The following ALG10 variants were observed in gnomAD, a reference collection of about 807,000 sequenced individuals.
The protein encoded by ALG10 is ALG10 alpha-1,2-glucosyltransferase, also known as dol-P-Glc:Glc(2)Man(9)GlcNAc(2)-PP-Dol alpha-1,2-glucosyltransferase A.
ALG10 carries 25 observed loss-of-function variants against 39.2 expected under a neutral mutation model. That is an observed-to-expected ratio of 0.64 (90% CI 0.46 to 0.89). The LOEUF (loss-of-function observed/expected upper bound fraction) is 0.89. Among genes scored for constraint, ALG10 ranks in the 40% least tolerant of loss-of-function variants. ALG10 has a pLI of 0.00. For synonymous variants in ALG10, 184 were observed against 193.9 expected, an observed-to-expected ratio of 0.95 and a Z score of 0.42; for missense variants, 486 against 546.6, an observed-to-expected ratio of 0.89 and a Z score of 1.11.
rs991988450 is a variant in ALG10 at position 34,023,001 on chromosome 12, T to C, written c.171+231T>C. On this transcript the variant is annotated intron_variant, in intron 1 of 2. Coordinates refer to ENST00000266483, the MANE Select transcript of ALG10 (RefSeq NM_032834.4). ...AGGAAGGAGTGATCTGGGAGAATACTCAACGGGGAACTGAGCCCTCCTCTT... is the reference window on the plus strand; with the variant it reads ...AGGAAGGAGTGATCTGGGAGAATACCCAACGGGGAACTGAGCCCTCCTCTT... 3 of 622,636 alleles carry C rather than the reference T, an allele frequency of 4.8e-6. No homozygotes were observed. The South Asian group carries it at 7.5e-5, about 16-fold the overall frequency. 38.6% of individuals were successfully genotyped at this position (622,636 alleles called of 1,614,324 possible).
In ALG10 at chr12:34,022,608, G is replaced by A. The variant is rs1334075376; in HGVS notation, c.9G>A (p.Gln3=). ...TGGCTGTGGGAGCTGGAATGGCGCA[G>A]CTGGAAGGTTACTATTTCTCGGCCG... MA[Q]LEGYYFSAAL... is the part of the protein sequence containing the mutation. Residue 3 remains glutamine (Q), a synonymous_variant, in exon 1 of 3, where the codon CAG becomes CAA. Coordinates refer to ENST00000266483, the MANE Select transcript of ALG10 (RefSeq NM_032834.4). 2 of 1,614,016 alleles carry A rather than the reference G, an allele frequency of 1.2e-6. No homozygotes were observed. Among genetic ancestry groups the A allele is most frequent in the Admixed American group, 1.7e-5 (1 of 60,002 alleles).
rs752864593 is a variant in ALG10, at chr12:34,024,202, G to C, written c.369+43G>C. 4 of 1,592,748 alleles carry C rather than the reference G, an allele frequency of 2.5e-6. No individual in the cohort carries two copies. In the Admixed American group the frequency reaches 6.7e-5, roughly 27 times the overall value. On this transcript the variant is annotated intron_variant, in intron 2 of 2. Coordinates refer to ENST00000266483, the MANE Select transcript of ALG10 (RefSeq NM_032834.4). ...TAATTACAAGTTTATGTGTAGTCAG[G>C]TCCACAATTACAATGAATTAGTTTT...
rs1942790585 is a variant in ALG10, at chr12:34,022,692, G to T, written c.93G>T (p.Leu31Phe). The part of the protein sequence containing the change: ...CLLFSAFSRA[L>F]REPYMDEIFH... Reference sequence around the variant, plus strand: ...TCTTCTCCGCCTTCAGCCGGGCGTTGCGAGAGCCCTACATGGACGAGATCT... The same window carrying T: ...TCTTCTCCGCCTTCAGCCGGGCGTTTCGAGAGCCCTACATGGACGAGATCT... Residue 31 changes from leucine (L) to phenylalanine (F), a missense_variant, in exon 1 of 3, where the codon TTG becomes TTT. Physicochemically the swap from Leu to Phe is conservative, Grantham distance 22. Coordinates refer to ENST00000266483, the MANE Select transcript of ALG10 (RefSeq NM_032834.4). The T allele has an allele frequency of 1.2e-6, 2 of 1,613,958 alleles. No individual in the cohort carries two copies. The highest frequency in any genetic ancestry group is 2.7e-5 in the African/African-American group (2 of 74,876).
upstream of ALG10, chr12:34,022,469 C>T: frequency 6.9e-7 from 1 of 1,448,900 alleles, no homozygotes; most frequent in Non-Finnish European, 9.6e-7. Flanking sequence ...GCATCCTTTG[C>T]CTTCCGGTAT....
At chr12:34,022,495 T>C (rs1203775413), upstream of ALG10, 11 of 1,581,986 alleles carry the variant, frequency 7.0e-6, no homozygotes, top group East Asian at 2.2e-4. Flanking sequence ...CCCGTCTGGC[T>C]AGTCCCGCCT....
Position 34,026,778 on chromosome 12 carries a change from A to T in ALG10, c.1285A>T (p.Ile429Leu). Reference protein sequence around the residue: ...ILPYVIYRLNIPLPPTSRLIC... With the variant: ...ILPYVIYRLNLPLPPTSRLIC... ...ACCTTATGTCATTTATAGGCTTAACATACCTCTGCCTCCCACATCCAGACT... is the reference window on the plus strand; with the variant it reads ...ACCTTATGTCATTTATAGGCTTAACTTACCTCTGCCTCCCACATCCAGACT... Residue 429 changes from isoleucine to leucine, a missense_variant, in exon 3 of 3, where the codon ATA (isoleucine) becomes TTA (leucine). Physicochemically the swap from Ile to Leu is conservative, Grantham distance 5. Coordinates refer to ENST00000266483, the MANE Select transcript of ALG10 (RefSeq NM_032834.4). 5 of 1,613,980 alleles carry T rather than the reference A, an allele frequency of 3.1e-6. No homozygotes were observed. The highest frequency in any genetic ancestry group is 4.2e-6 in the Non-Finnish European group (5 of 1,179,888).
At position 34,026,482 on chromosome 12, in the gene ALG10, C is replaced by G. The variant is rs763544726; in HGVS notation, c.989C>G (p.Thr330Ser). ...CGTAGAATTCTGTTTTTTGTGGTTA[C>G]CTTAGTCTCTGTGTTTTTAGTTTGG... ...WKRRILFFVVTLVSVFLVWKF... is the reference protein window; with the variant it reads ...WKRRILFFVVSLVSVFLVWKF... The change falls in exon 3 of 3, where the codon ACC becomes AGC. Residue 330 changes from threonine to serine, a missense_variant. Transcript: ENST00000266483. 1 of 1,613,740 alleles carries G rather than the reference C, an allele frequency of 6.2e-7. No individual in the cohort carries two copies. The highest frequency in any genetic ancestry group is 1.1e-5 in the South Asian group (1 of 91,044).
Position 34,026,965 on chromosome 12 carries a change from T to C in ALG10, c.*50T>C. The C allele has an allele frequency of 6.3e-7, 1 of 1,582,920 alleles. No homozygotes were observed. Among genetic ancestry groups the C allele is most frequent in the Non-Finnish European group, 8.6e-7 (1 of 1,160,524 alleles). On this transcript the variant is annotated 3_prime_UTR_variant, in exon 3 of 3. Coordinates refer to ENST00000266483, the MANE Select transcript of ALG10 (RefSeq NM_032834.4). ...AAATGGACTTAATAATTAGACCATT[T>C]CTACAAAGAACAACTGAATAGGTGG...
At chr12:34,024,190 A>G (rs759541833) in intron 2 of ALG10, 31 bp downstream of exon 2, 2 of 1,606,766 alleles carry the variant, frequency 1.2e-6, no homozygotes, top group Non-Finnish European at 1.7e-6. Context: ...TTACAAGTTT[A>G]TGTGTAGTCA....
rs765891801 is a variant in ALG10, at chr12:34,026,358, C to T, written c.865C>T (p.Pro289Ser). ...RSSHEACLHF[P>S]QLFYFFSFTL... ...TAGTCATGAAGCCTGTCTTCATTTT[C>T]CTCAACTATTCTACTTTTTTTCATT... is the stretch of plus-strand genomic sequence containing the variant. The change falls in exon 3 of 3, where the codon CCT becomes TCT. Residue 289 changes from proline to serine, a missense_variant. Transcript: ENST00000266483. 66 of 1,613,800 alleles carry T rather than the reference C, an allele frequency of 4.1e-5. No homozygotes were observed. The South Asian group carries it at 7.2e-4, about 18-fold the overall frequency.
intron 2 of ALG10, 42 bp from the exon 3 acceptor site, chr12:34,025,821 T>C: frequency 1.9e-6 from 3 of 1,610,952 alleles, no homozygotes; most frequent in Non-Finnish European, 2.5e-6. Flanking sequence ...TAGCATTTTT[T>C]GTCATGAAAA....
chr12:34,026,525 T>A lies in ALG10; in HGVS notation c.1032T>A (p.His344Gln), dbSNP rs1204850143. The A allele has an allele frequency of 2.5e-6, 4 of 1,613,890 alleles. No individual in the cohort carries two copies. Among genetic ancestry groups the A allele is most frequent in the Non-Finnish European group, 3.4e-6 (4 of 1,179,914 alleles). Residue 344 changes from histidine (H) to glutamine (Q), a missense_variant, in exon 3 of 3, where the codon CAT (histidine) becomes CAA (glutamine). Coordinates refer to ENST00000266483, the MANE Select transcript of ALG10 (RefSeq NM_032834.4). ...VFLVWKFTYA[H>Q]KYLLADNRHY... ...TAGTTTGGAAATTCACTTATGCTCA[T>A]AAATACTTGCTAGCAGACAATAGAC...
intron 2 of ALG10, among the ~76,000 whole-genome samples, chr12:34,025,646 T>A (rs1348233497): frequency 1.3e-5 from 2 of 152,190 alleles, no homozygotes; most frequent in Non-Finnish European, 2.9e-5. Flanking sequence ...ACACATGGTC[T>A]CCAAACTGAT....
At position 34,026,058 on chromosome 12, in the gene ALG10, A is replaced by G. The variant is rs781529303; in HGVS notation, c.565A>G (p.Asn189Asp). The G allele has an allele frequency of 4.3e-6, 7 of 1,614,100 alleles. No individual in the cohort carries two copies. The highest frequency in any genetic ancestry group is 5.9e-6 in the Non-Finnish European group (7 of 1,179,976). Reference protein sequence around the residue: ...GFCGFMFRQTNIIWAVFCAGN... With the variant: ...GFCGFMFRQTDIIWAVFCAGN... ...TTGTGGCTTCATGTTTCGGCAAACA[A>G]ATATCATCTGGGCTGTCTTCTGTGC... Residue 189 changes from asparagine to aspartate, a missense_variant, in exon 3 of 3, where the codon AAT becomes GAT. Coordinates refer to ENST00000266483, the MANE Select transcript of ALG10 (RefSeq NM_032834.4).
At position 34,026,374 on chromosome 12, in the gene ALG10, T is replaced by C; in HGVS notation, c.881T>C (p.Phe294Ser). The change falls in exon 3 of 3, where the codon TTT (phenylalanine) becomes TCT (serine). Residue 294 changes from phenylalanine to serine, a missense_variant. Transcript: ENST00000266483. ...CTTCATTTTCCTCAACTATTCTACT[T>C]TTTTTCATTTACTCTCTTTTTTTCC... Reference protein sequence around the residue: ...ACLHFPQLFYFFSFTLFFSFP... With the variant: ...ACLHFPQLFYSFSFTLFFSFP... 2 of 1,613,972 alleles carry C rather than the reference T, an allele frequency of 1.2e-6. No homozygotes were observed. Among genetic ancestry groups the C allele is most frequent in the South Asian group, 2.2e-5 (2 of 91,050 alleles).
rs1208498446 is a variant in ALG10 at position 34,024,004 on chromosome 12, T to G, written c.214T>G (p.Ser72Ala). The G allele has an allele frequency of 2.5e-6, 4 of 1,614,054 alleles. No homozygotes were observed. The highest frequency in any genetic ancestry group is 3.4e-6 in the Non-Finnish European group (4 of 1,180,022). ...TACATTACCTGGCTTGTACCTGGTGTCAATTGGAGTGATCAAACCTGCCAT... is the reference window on the plus strand; with the variant it reads ...TACATTACCTGGCTTGTACCTGGTGGCAATTGGAGTGATCAAACCTGCCAT... ...ITTLPGLYLV[S>A]IGVIKPAIWI... is the part of the protein sequence containing the mutation. The change falls in exon 2 of 3, where the codon TCA becomes GCA. Residue 72 changes from serine to alanine, a missense_variant. By Grantham distance (99) the Ser-to-Ala change is moderately conservative (BLOSUM62 1). Coordinates refer to ENST00000266483, the MANE Select transcript of ALG10 (RefSeq NM_032834.4).
intron 1 of ALG10, chr12:34,023,005 C>A: frequency 1.7e-6 from 1 of 604,230 alleles, no homozygotes; most frequent in Non-Finnish European, 2.7e-6. Context: ...GAATACTCAA[C>A]GGGGAACTGA....
Position 34,024,075 on chromosome 12 carries a change from G to T in ALG10, c.285G>T (p.Met95Ile). The T allele has an allele frequency of 6.2e-7, 1 of 1,614,104 alleles. No individual in the cohort carries two copies. Among genetic ancestry groups the T allele is most frequent in the Admixed American group, 1.7e-5 (1 of 60,012 alleles). The change falls in exon 2 of 3, where the codon ATG becomes ATT. Residue 95 changes from methionine (M) to isoleucine (I), a missense_variant. Physicochemically the swap from Met to Ile is conservative, Grantham distance 10. Coordinates refer to ENST00000266483, the MANE Select transcript of ALG10 (RefSeq NM_032834.4). The stretch of plus-strand genomic sequence containing the variant: ...AACATGTTGTCTGCTCCATTGGGAT[G>T]CTCAGATTTGTTAATCTTCTCTTCA... ...WSEHVVCSIG[M>I]LRFVNLLFSV...
chr12:34,023,208 A>G (rs1251366629), intron 1 of ALG10: 1 of 172,374 alleles, frequency 5.8e-6, no homozygotes, highest in Non-Finnish European at 1.2e-5. Flanking sequence ...GTGACAATTT[A>G]TAATCACAAA....
Sources: gnomAD v4.1 joint callset for allele counts (sites outside exome capture counted in the v4.1 genomes callset) on GRCh38, gnomAD v4.1.1 for gene constraint, MANE v1.5 for transcripts, NCBI Gene and HGNC (gene_info 2026-07-23, HGNC 2026-07-21) for gene names.